The following AGMO variants were observed in gnomAD, a reference collection of about 807,000 sequenced individuals.
AGMO encodes the protein alkylglycerol monooxygenase.
In AGMO, 75 loss-of-function variants were observed where a neutral mutation model predicts 60.2. The ratio of observed to expected loss-of-function variants is 1.25; its 90% confidence interval spans 1.03 to 1.51. The LOEUF (loss-of-function observed/expected upper bound fraction) is 1.51. Among genes scored for constraint, AGMO ranks in the 40% most tolerant of loss-of-function variants. The pLI, the probability that AGMO is intolerant of heterozygous loss-of-function variation, is 0.00. For missense variants in AGMO, 763 were observed against 525.5 expected (o/e 1.45, Z -4.42); for synonymous variants, 261 against 177.1 (o/e 1.47, Z -3.76).
At chr7:15,304,885 A>C (rs1221783595) in intron 12 of AGMO, among the ~76,000 whole-genome samples, 1 of 152,074 alleles carries the variant, frequency 6.6e-6, no homozygotes, top group Admixed American at 6.6e-5. Context: ...TTAAGAAGAA[A>C]GTCAACTATA....
the AGMO span, among the ~76,000 whole-genome samples, chr7:15,149,492 A>T: frequency 6.2e-4 from 95 of 152,268 alleles, 2 homozygotes; most frequent in East Asian, 0.018. Flanking sequence ...TGATTTTATT[A>T]TATGGTGAAA....
intron 3 of AGMO, among the ~76,000 whole-genome samples, chr7:15,477,434 T>G (rs1253018323): frequency 6.6e-6 from 1 of 152,126 alleles, no homozygotes; most frequent in Non-Finnish European, 1.5e-5. Flanking sequence ...TGAAAATACA[T>G]TCAACAAAGC....
intron 5 of AGMO, chr7:15,395,977 A>T (rs1784360651): frequency 1.3e-5 from 2 of 152,210 alleles, no homozygotes; most frequent in South Asian, 4.1e-4. Flanking sequence ...CACATATCAA[A>T]GCGGATCCTT....
intron 3 of AGMO, among the ~76,000 whole-genome samples, chr7:15,441,802 T>C (rs1027506749): frequency 2.0e-5 from 3 of 152,120 alleles, no homozygotes; most frequent in African/African-American, 7.2e-5. Context: ...CCAGGAATTC[T>C]TAGGAAAAGA....
intron 12 of AGMO, among the ~76,000 whole-genome samples, chr7:15,313,158 A>C (rs1249237557): frequency 6.6e-6 from 1 of 152,206 alleles, no homozygotes; most frequent in Non-Finnish European, 1.5e-5. Context: ...TTAAGTACAC[A>C]AAGAAAACTC....
At chr7:15,322,977 A>ATTTT (rs376655680) in intron 12 of AGMO, among the ~76,000 whole-genome samples, 10 of 122,070 alleles carry the variant, frequency 8.2e-5, no homozygotes, top group Non-Finnish European at 8.3e-5. Context: ...GTATATATAT[A>ATTTT]TGTATTTATT....
At chr7:15,556,041 A>C (rs1785124040) in intron 2 of AGMO, among the ~76,000 whole-genome samples, 1 of 151,908 alleles carries the variant, frequency 6.6e-6, no homozygotes, top group South Asian at 2.1e-4. Flanking sequence ...GCTGCTTATT[A>C]AAGTCATCAC....
At chr7:15,151,795 T>G in the AGMO span, among the ~76,000 whole-genome samples, 2 of 152,128 alleles carry the variant, frequency 1.3e-5, no homozygotes, top group Non-Finnish European at 2.9e-5. Context: ...TGTTGAGTTA[T>G]GTATTCTGCA....
At chr7:15,390,957 T>C (rs1355717804) in intron 6 of AGMO, 52 bp from the exon 7 acceptor site, 1 of 1,113,856 alleles carries the variant, frequency 9.0e-7, no homozygotes, top group Admixed American at 2.3e-5. Context: ...TTATGCTTTT[T>C]GAGATACTTC....
At chr7:15,468,833 T>C (rs1484081112) in intron 3 of AGMO, among the ~76,000 whole-genome samples, 1 of 152,118 alleles carries the variant, frequency 6.6e-6, no homozygotes, top group Non-Finnish European at 1.5e-5. Flanking sequence ...TGGATGATTT[T>C]ATGATTCAAA....
the AGMO span, among the ~76,000 whole-genome samples, chr7:15,166,440 G>C: frequency 1.3e-5 from 2 of 152,298 alleles, no homozygotes; most frequent in South Asian, 4.1e-4. Flanking sequence ...TAAAGGAGGA[G>C]TCAGAGAGGA....
In AGMO at chr7:15,244,175, T is replaced by C. The variant is rs549008059; in HGVS notation, c.1264-42816A>G. 1.2e-4 allele frequency among the ~76,000 whole-genome samples: 16 copies of C among 132,298 alleles called. No homozygotes were observed. The South Asian group carries it at 3.5e-3, about 29-fold the overall frequency. The allele number at this position is 132,298 out of a possible 152,430, so 86.8% of individuals were successfully genotyped here. On this transcript the variant is annotated intron_variant, in intron 12 of 12. Transcript: ENST00000342526. ...AATGCATATATATAATTTAAATTTG[T>C]ACAATAAATAGAAGGATACAAAGCA...
At chr7:15,143,684 TTGTC>T in the AGMO span, among the ~76,000 whole-genome samples, 3,396 of 150,770 alleles carry the variant, frequency 0.023, 109 homozygotes, top group African/African-American at 0.077. Flanking sequence ...TTGTTTTGTT[TTGTC>T]TTTTTTTTTT....
chr7:15,396,545 A>T (rs113897787), intron 5 of AGMO: 1 of 152,188 alleles, frequency 6.6e-6, no homozygotes, highest in Admixed American at 6.6e-5. Context: ...GAACAAAGCT[A>T]CCACAACGAG....
At chr7:15,202,742 AT>A (rs1296995957) in intron 12 of AGMO, among the ~76,000 whole-genome samples, 1 of 152,144 alleles carries the variant, frequency 6.6e-6, no homozygotes, top group African/African-American at 2.4e-5. Context: ...AATACAATAT[AT>A]TTAAAGGCTG....
chr7:15,340,981 G>A (rs1335880760), intron 12 of AGMO, among the ~76,000 whole-genome samples: 3 of 152,120 alleles, frequency 2.0e-5, no homozygotes, highest in Non-Finnish European at 4.4e-5. Context: ...TAGGAGGGGT[G>A]CTGTACCCTG....
chr7:15,526,281 C>T (rs770533927), intron 3 of AGMO, among the ~76,000 whole-genome samples: 1 of 152,160 alleles, frequency 6.6e-6, no homozygotes, highest in South Asian at 2.1e-4. Context: ...AGACTTAAGG[C>T]CCTACAAAGC....
intron 12 of AGMO, among the ~76,000 whole-genome samples, chr7:15,248,835 G>T (rs933546295): frequency 3.9e-5 from 6 of 152,288 alleles, no homozygotes; most frequent in Admixed American, 6.5e-5. Flanking sequence ...TTAAAGTGAG[G>T]AGGCAATCTG....
chr7:15,324,448 T>C (rs1393121404), intron 12 of AGMO, among the ~76,000 whole-genome samples: 1 of 152,182 alleles, frequency 6.6e-6, no homozygotes, highest in African/African-American at 2.4e-5. Flanking sequence ...ATTTTCTTTA[T>C]AAGCTTTGGT....
Sources: allele counts gnomAD v4.1 joint callset (sites outside exome capture counted in the v4.1 genomes callset), GRCh38; gene constraint gnomAD v4.1.1; transcripts MANE v1.5; gene names NCBI Gene and HGNC (gene_info 2026-07-23, HGNC 2026-07-21).